The following CIBAR2 variants were observed in gnomAD, a reference collection of about 807,000 sequenced individuals.
The protein encoded by CIBAR2 is CBY1 interacting BAR domain containing 2.
CIBAR2 carries 38 observed loss-of-function variants against 36.2 expected under a neutral mutation model. That is an observed-to-expected ratio of 1.05 (90% CI 0.81 to 1.38). The LOEUF (loss-of-function observed/expected upper bound fraction) is 1.38, where lower values mean the gene tolerates loss of function less well. Among genes scored for constraint, CIBAR2 ranks in the 40% most tolerant of loss-of-function variants. The pLI is 0.00. For synonymous variants in CIBAR2, 182 were observed against 149.5 expected, an observed-to-expected ratio of 1.22 and a Z score of -1.58; for missense variants, 481 against 383.4, an observed-to-expected ratio of 1.25 and a Z score of -2.13.
At chr16:85,102,438 C>G (rs2073963424) in intron 6 of CIBAR2, 111 bp from the exon 7 acceptor site, 2 of 693,422 alleles carry the variant, frequency 2.9e-6, no homozygotes, top group African/African-American at 1.8e-5. Flanking sequence ...CGTGTGGGGA[C>G]AGGCCCCAGG....
chr16:85,101,365 C>T (rs1808215273), intron 7 of CIBAR2, among the ~76,000 whole-genome samples: 1 of 152,184 alleles, frequency 6.6e-6, no homozygotes, highest in Non-Finnish European at 1.5e-5. Flanking sequence ...TTCTGCTAGA[C>T]ATGAGGGAGG....
At position 85,112,380 on chromosome 16, in the gene CIBAR2, G is replaced by A; in HGVS notation, c.-28C>T. The A allele has an allele frequency of 1.9e-6, 3 of 1,612,544 alleles. No individual in the cohort carries two copies. The highest frequency in any genetic ancestry group is 2.5e-6 in the Non-Finnish European group (3 of 1,178,664). On this transcript the variant is annotated 5_prime_UTR_variant, in exon 1 of 9. Coordinates refer to ENST00000539556, the MANE Select transcript of CIBAR2 (RefSeq NM_198491.3). ...TGACCAGAGCTTTGGCTGTCCCGGT[G>A]CTGGGGAATAAGGACAGGGCCCCAG...
At chr16:85,109,298 C>T (rs1248009844) in intron 2 of CIBAR2, among the ~76,000 whole-genome samples, 1 of 151,876 alleles carries the variant, frequency 6.6e-6, no homozygotes, top group African/African-American at 2.4e-5. Flanking sequence ...AGGTGGCCAC[C>T]CCGTTACCAG....
At chr16:85,101,677 GT>G (rs67703926) in intron 7 of CIBAR2, among the ~76,000 whole-genome samples, 64 of 139,832 alleles carry the variant, frequency 4.6e-4, no homozygotes, top group Admixed American at 9.8e-4. Flanking sequence ...TTTTGTTTTT[GT>G]TTTTTTTTTT....
intron 5 of CIBAR2, among the ~76,000 whole-genome samples, chr16:85,106,805 G>C (rs948294696): frequency 6.6e-6 from 1 of 152,204 alleles, no homozygotes; most frequent in Non-Finnish European, 1.5e-5. Context: ...TCCTGAGCCA[G>C]AAACATCGCC....
chr16:85,098,491 G>T lies in CIBAR2; in HGVS notation c.*694C>A, dbSNP rs757540773. The T allele has an allele frequency of 2.0e-4, 201 of 983,614 alleles. No individual in the cohort carries two copies. Among genetic ancestry groups the T allele is most frequent in the Non-Finnish European group, 2.4e-4 (195 of 828,014 alleles). The allele number at this position is 983,614 out of a possible 1,614,324, so 60.9% of individuals were successfully genotyped here. On this transcript the variant is annotated 3_prime_UTR_variant, in exon 9 of 9. Coordinates refer to ENST00000539556, the MANE Select transcript of CIBAR2 (RefSeq NM_198491.3). ...CTGAGGCTCAGAGGACACGTGGCTTGCCTGAGGGCACACAGCAGAGCCCAC... is the reference window on the plus strand; with the variant it reads ...CTGAGGCTCAGAGGACACGTGGCTTTCCTGAGGGCACACAGCAGAGCCCAC...
chr16:85,112,106 G>A (rs1485222598), intron 1 of CIBAR2, among the ~76,000 whole-genome samples: 1 of 152,176 alleles, frequency 6.6e-6, no homozygotes, highest in African/African-American at 2.4e-5. Context: ...CACAGGCAGC[G>A]ATGCTGGAGA....
At chr16:85,109,260 T>C (rs559864757) in intron 2 of CIBAR2, among the ~76,000 whole-genome samples, 1 of 151,990 alleles carries the variant, frequency 6.6e-6, no homozygotes, top group Non-Finnish European at 1.5e-5. Flanking sequence ...ATTTTTTTTT[T>C]AATAAAATAA....
At chr16:85,108,217 T>G in intron 2 of CIBAR2, 118 bp from the exon 3 acceptor site, 1 of 939,738 alleles carries the variant, frequency 1.1e-6, no homozygotes, top group Non-Finnish European at 1.6e-6. Context: ...CGGCGGGAGG[T>G]GGAGCGCGAG....
rs772672538 is a variant in CIBAR2, at chr16:85,110,250, T to G, written c.231A>C (p.Lys77Asn). Residue 77 changes from lysine (K) to asparagine (N), a missense_variant, in exon 2 of 9, where the codon AAA (lysine) becomes AAC (asparagine). Transcript: ENST00000539556. ...TMRGFAEDLA[K>N]VQDYRQAQVE... ...CCTGGGCCTGCCGGTAATCCTGCAC[T>G]TTGGCCAGGTCCTCAGCGAAGCCCC... The G allele has an allele frequency of 1.9e-6, 3 of 1,582,582 alleles. No homozygotes were observed. The highest frequency in any genetic ancestry group is 2.6e-6 in the Non-Finnish European group (3 of 1,161,048).
Position 85,100,139 on chromosome 16 carries a change from C to G in CIBAR2, c.753G>C (p.Gln251His), listed in dbSNP as rs777107768. 1.1e-5 allele frequency: 18 copies of G among 1,608,720 alleles called. No individual in the cohort carries two copies. The Admixed American group carries it at 1.2e-4, about 11-fold the overall frequency. Residue 251 changes from glutamine to histidine, a missense_variant and splice_region_variant, in exon 8 of 9, where the codon CAG becomes CAC. By Grantham distance (24) the Gln-to-His change is conservative. Coordinates refer to ENST00000539556, the MANE Select transcript of CIBAR2 (RefSeq NM_198491.3). ...ACCCCTCACCCACCCACACGCTCAC[C>G]TGGCTGGCGAGAGACTGAAGAACAG... is the stretch of plus-strand genomic sequence containing the variant. ...PPSVLQSLAS[Q>H]GTLQVQLSRA...
intron 7 of CIBAR2, among the ~76,000 whole-genome samples, chr16:85,101,651 T>G (rs2073956114): frequency 6.6e-6 from 1 of 150,436 alleles, no homozygotes; most frequent in Admixed American, 6.6e-5. Context: ...TTATTGTTGT[T>G]GATCCATTTG....
At chr16:85,100,863 C>T (rs1346708914) in intron 7 of CIBAR2, among the ~76,000 whole-genome samples, 2 of 152,038 alleles carry the variant, frequency 1.3e-5, no homozygotes, top group Non-Finnish European at 2.9e-5. Context: ...CTGGCTAACA[C>T]GGTGAAACCC....
At chr16:85,099,570 C>T (rs1434304256) in intron 8 of CIBAR2, among the ~76,000 whole-genome samples, 5 of 151,614 alleles carry the variant, frequency 3.3e-5, no homozygotes, top group African/African-American at 9.7e-5. Flanking sequence ...ATGGCAGCCA[C>T]GGCAGGGACC....
intron 2 of CIBAR2, 88 bp from the exon 3 acceptor site, chr16:85,108,187 G>T: frequency 1.6e-6 from 2 of 1,272,210 alleles, no homozygotes; most frequent in Non-Finnish European, 2.2e-6. Context: ...GCACCCGGGA[G>T]CCGCGTGTCC....
intron 5 of CIBAR2, among the ~76,000 whole-genome samples, chr16:85,106,016 C>T (rs886778236): frequency 2.6e-5 from 4 of 152,124 alleles, no homozygotes; most frequent in Non-Finnish European, 5.9e-5. Flanking sequence ...AAAATGGGGA[C>T]TTAAAACCAC....
At chr16:85,101,431 C>T (rs1597664752) in intron 7 of CIBAR2, among the ~76,000 whole-genome samples, 1 of 152,248 alleles carries the variant, frequency 6.6e-6, no homozygotes, top group South Asian at 2.1e-4. Context: ...ATGAAGCCTC[C>T]ACCTGAGAAC....
Position 85,099,147 on chromosome 16 carries a change from T to G in CIBAR2, c.*38A>C, listed in dbSNP as rs755513185. 6.8e-7 allele frequency: 1 copy of G among 1,468,198 alleles called. No individual in the cohort carries two copies. The highest frequency in any genetic ancestry group is 1.5e-5 in the South Asian group (1 of 68,802). The allele number at this position is 1,468,198 out of a possible 1,614,324, so 90.9% of individuals were successfully genotyped here. A position where few individuals can be genotyped will look rare whatever the true frequency, so the allele number is the denominator to read the frequency against. ...ACAAAGCCTCCAGGCAGTCTGGGAT[T>G]ATTTTAAACGGCTTGGGATTGCACT... is the stretch of plus-strand genomic sequence containing the variant. On this transcript the variant is annotated 3_prime_UTR_variant, in exon 9 of 9. Coordinates refer to ENST00000539556, the MANE Select transcript of CIBAR2 (RefSeq NM_198491.3).
intron 7 of CIBAR2, 141 bp from the exon 8 acceptor site, chr16:85,100,381 T>C (rs1045831520): frequency 1.8e-6 from 1 of 557,520 alleles, no homozygotes; most frequent in African/African-American, 1.9e-5. Context: ...TCCAGGAGCT[T>C]CCTGTTTCTT....
Sources: gnomAD v4.1 joint callset for allele counts (sites outside exome capture counted in the v4.1 genomes callset) on GRCh38, gnomAD v4.1.1 for gene constraint, MANE v1.5 for transcripts, NCBI Gene and HGNC (gene_info 2026-07-23, HGNC 2026-07-21) for gene names.